Variants in ASAP2 observed in about 807,000 individuals in gnomAD.
ASAP2 encodes the protein arf-GAP with SH3 domain, ANK repeat and PH domain-containing protein 2.
A neutral mutation model predicts 131.4 loss-of-function variants in ASAP2; 45 were observed. The ratio of observed to expected loss-of-function variants is 0.34; its 90% CI spans 0.27 to 0.44. The LOEUF (loss-of-function observed/expected upper bound fraction) is 0.44. ASAP2 is among the 20% of genes least tolerant of loss of function. ASAP2 has a pLI of 1.00. For synonymous variants in ASAP2, 510 were observed against 503.0 expected (o/e 1.01, Z -0.19); for missense variants, 1,011 against 1,297.0 (o/e 0.78, Z 3.39).
At chr2:9,267,516 G>A (rs994180374) in intron 1 of ASAP2, among the ~76,000 whole-genome samples, 3 of 152,076 alleles carry the variant, frequency 2.0e-5, no homozygotes, top group African/African-American at 7.2e-5. Context: ...TGGTGTATAT[G>A]TACCACATTT....
intron 1 of ASAP2, among the ~76,000 whole-genome samples, chr2:9,228,815 G>A (rs1475484536): frequency 1.3e-5 from 2 of 152,126 alleles, no homozygotes; most frequent in African/African-American, 4.8e-5. Context: ...ATTATGAACG[G>A]CACTCTTCCT....
intron 9 of ASAP2, among the ~76,000 whole-genome samples, chr2:9,341,203 C>T (rs1170258297): frequency 2.0e-5 from 3 of 152,054 alleles, no homozygotes; most frequent in Non-Finnish European, 2.9e-5. Flanking sequence ...GTGAAAGGGC[C>T]GGTTTTCTCT....
chr2:9,218,663 C>T (rs1290140574), intron 1 of ASAP2, among the ~76,000 whole-genome samples: 1 of 152,174 alleles, frequency 6.6e-6, no homozygotes, highest in African/African-American at 2.4e-5. Flanking sequence ...GGTGACTTCA[C>T]TGGTCCTGCC....
At chr2:9,250,457 G>A (rs11688860) in intron 1 of ASAP2, among the ~76,000 whole-genome samples, 6,579 of 152,262 alleles carry the variant, frequency 0.043, 239 homozygotes, top group Admixed American at 0.091. Context: ...CAGACATGTG[G>A]CCCTTGGGTG....
Position 9,344,144 on chromosome 2 carries a change from C to T in ASAP2, c.850-388C>T, listed in dbSNP as rs181626323. On this transcript the variant is annotated intron_variant, in intron 9 of 27. Coordinates refer to ENST00000281419, the MANE Select transcript of ASAP2 (RefSeq NM_003887.3). ...GTAAGGGACAGAAAGCTGGTTTTGTCGTTTTGCTTGGAAACCCCTGCCTTT... is the reference window on the plus strand; with the variant it reads ...GTAAGGGACAGAAAGCTGGTTTTGTTGTTTTGCTTGGAAACCCCTGCCTTT... Among the ~76,000 whole-genome samples the T allele has an allele frequency of 7.2e-5, 11 of 152,260 alleles. No homozygotes were observed. The East Asian group carries it at 1.5e-3, about 21-fold the overall frequency.
intron 9 of ASAP2, among the ~76,000 whole-genome samples, chr2:9,339,141 T>C (rs926779096): frequency 6.6e-6 from 1 of 152,152 alleles, no homozygotes; most frequent in Non-Finnish European, 1.5e-5. Context: ...ATCGCACTGC[T>C]GCACTCCAGC....
chr2:9,374,929 A>G lies in ASAP2; in HGVS notation c.1731A>G (p.Pro577=), dbSNP rs148460945. 2.5e-6 allele frequency: 4 copies of G among 1,605,290 alleles called. No individual in the cohort carries two copies. Among genetic ancestry groups the G allele is most frequent in the Non-Finnish European group, 3.4e-6 (4 of 1,176,956 alleles). ...ADGVDLTEKI[P]LANGHEPDET... ...GTGTGGATCTTACGGAAAAAATCCC[A>G]CTGGCCAACGGACATGTAAGAGTGT... Residue 577 remains proline (P), a synonymous_variant, in exon 17 of 28, where the codon CCA becomes CCG. Coordinates refer to ENST00000281419, the MANE Select transcript of ASAP2 (RefSeq NM_003887.3).
intron 5 of ASAP2, among the ~76,000 whole-genome samples, chr2:9,321,516 A>G (rs1670145426): frequency 2.0e-5 from 3 of 152,202 alleles, no homozygotes; most frequent in African/African-American, 7.2e-5. Context: ...GGAAGGGACC[A>G]GCGGATTCCT....
At chr2:9,300,664 A>G (rs1445897106) in intron 3 of ASAP2, among the ~76,000 whole-genome samples, 1 of 152,254 alleles carries the variant, frequency 6.6e-6, no homozygotes, top group Non-Finnish European at 1.5e-5. Context: ...GCAGCTGTGC[A>G]GGATAGTTTG....
chr2:9,230,315 G>A (rs781538999), intron 1 of ASAP2, among the ~76,000 whole-genome samples: 1 of 152,234 alleles, frequency 6.6e-6, no homozygotes, highest in Non-Finnish European at 1.5e-5. Context: ...GAGGACCAGT[G>A]TTGGGGACCC....
intron 2 of ASAP2, among the ~76,000 whole-genome samples, chr2:9,285,417 A>C (rs1667402331): frequency 1.3e-5 from 2 of 152,184 alleles, no homozygotes; most frequent in Non-Finnish European, 2.9e-5. Flanking sequence ...TATACAAAAC[A>C]GTAGTCTTCT....
At chr2:9,251,836 T>C (rs2709563) in intron 1 of ASAP2, among the ~76,000 whole-genome samples, 85,012 of 151,632 alleles carry the variant, frequency 0.56, 25,527 homozygotes, top group African/African-American at 0.79. Context: ...ATGTGAGTTT[T>C]CTGGCAGTGA....
At chr2:9,374,698 G>A in intron 16 of ASAP2, 57 bp from the exon 17 acceptor site, 1 of 1,498,544 alleles carries the variant, frequency 6.7e-7, no homozygotes, top group Non-Finnish European at 9.0e-7. Flanking sequence ...ACAAAGGGAG[G>A]CCGGACGGCG....
rs1663265968 is a variant in ASAP2, at chr2:9,232,859, T to C, written c.126+25629T>C. On this transcript the variant is annotated intron_variant, in intron 1 of 27. Transcript: ENST00000281419. This position sits in a 1 kb window ranked among gnomAD's most constrained non-coding sequence, Gnocchi z 4.1. ...AAGTTGAATTAGTGAGTGTAAATCCTTAAAAAAGTAAAAATATGTTTGTGC... is the reference window on the plus strand; with the variant it reads ...AAGTTGAATTAGTGAGTGTAAATCCCTAAAAAAGTAAAAATATGTTTGTGC... Among the ~76,000 whole-genome samples the C allele has an allele frequency of 6.6e-6, 1 of 152,212 alleles. No homozygotes were observed. Among genetic ancestry groups the C allele is most frequent in the African/African-American group, 2.4e-5 (1 of 41,438 alleles).
At chr2:9,304,358 G>A (rs1186728291) in intron 3 of ASAP2, among the ~76,000 whole-genome samples, 1 of 152,098 alleles carries the variant, frequency 6.6e-6, no homozygotes, top group Non-Finnish European at 1.5e-5. Context: ...CTGCCACGAT[G>A]TAGGTGACCT....
chr2:9,393,142 C>CA (rs1675849827), intron 23 of ASAP2, among the ~76,000 whole-genome samples: 1 of 152,158 alleles, frequency 6.6e-6, no homozygotes, highest in Admixed American at 6.5e-5. Flanking sequence ...CCGGGCAGAG[C>CA]TGAGGGCCCC....
chr2:9,388,464 G>T lies in ASAP2; in HGVS notation c.2301G>T (p.Leu767=). The T allele has an allele frequency of 6.2e-7, 1 of 1,614,140 alleles. No individual in the cohort carries two copies. Among genetic ancestry groups the T allele is most frequent in the Non-Finnish European group, 8.5e-7 (1 of 1,180,016 alleles). Residue 767 remains leucine, a synonymous_variant, in exon 22 of 28, where the codon CTG becomes CTT. Transcript: ENST00000281419. The part of the protein sequence containing the change: ...ILQNETYGAL[L]SGSPPPAQPA... ...AGAATGAGACTTACGGAGCCCTCCT[G>T]AGTGGCAGCCCACCTCCCGCCCAGC...
chr2:9,350,652 G>A (rs187672284), intron 11 of ASAP2, 156 bp from the exon 12 acceptor site: 6 of 562,330 alleles, frequency 1.1e-5, no homozygotes, highest in Admixed American at 9.4e-5. Flanking sequence ...TCTGTAACTT[G>A]TCCCAGTCAA....
chr2:9,384,208 G>A lies in ASAP2; in HGVS notation c.2017-1037G>A, dbSNP rs141404910. On this transcript the variant is annotated intron_variant, in intron 20 of 27. Transcript: ENST00000281419. ...AAGAAAAGAACAGAGTCAGTTTTAG[G>A]GAGGGACTATTACCATCCTTGATTC... is the stretch of plus-strand genomic sequence containing the variant. Among the ~76,000 whole-genome samples the A allele has an allele frequency of 2.4e-3, 360 of 152,272 alleles. 3 individuals are homozygous for A. The highest frequency in any genetic ancestry group is 8.4e-3 in the African/African-American group (350 of 41,562).
Sources: allele counts gnomAD v4.1 joint callset (sites outside exome capture counted in the v4.1 genomes callset), GRCh38; gene constraint gnomAD v4.1.1; non-coding constraint Gnocchi (gnomAD v3.1); transcripts MANE v1.5; gene names NCBI Gene and HGNC (gene_info 2026-07-23, HGNC 2026-07-21).